ATP2B4: variants seen among roughly 807,000 people sequenced by gnomAD.
The protein encoded by ATP2B4 is plasma membrane calcium-transporting ATPase 4.
In ATP2B4, 39 loss-of-function variants were observed where a neutral mutation model predicts 110.3. The ratio of observed to expected loss-of-function variants is 0.35; its 90% CI spans 0.27 to 0.46. The LOEUF is 0.46. Ranked by LOEUF, ATP2B4 falls within the 20% of genes least tolerant of loss-of-function variation. The probability of loss-of-function intolerance (pLI) is 1.00; values close to 1 mark genes in which losing one functional copy is unlikely to be tolerated. For missense variants in ATP2B4, 1,135 were observed against 1,530.9 expected (o/e 0.74, Z 4.32); for synonymous variants, 538 against 571.7 (o/e 0.94, Z 0.84).
At chr1:203,667,877 C>T (rs544261783) in intron 1 of ATP2B4, among the ~76,000 whole-genome samples, 2 of 152,216 alleles carry the variant, frequency 1.3e-5, no homozygotes, top group Non-Finnish European at 2.9e-5. Flanking sequence ...CTCCCCACCA[C>T]ACTGAAAAAG....
intron 1 of ATP2B4, chr1:203,657,371 A>C (rs1664193147): frequency 1.3e-6 from 1 of 746,344 alleles, no homozygotes; most frequent in Non-Finnish European, 2.5e-6. Context: ...CTCCCTGGGC[A>C]TGTACTTTAG....
chr1:203,632,858 T>G (rs373942502), intron 1 of ATP2B4, among the ~76,000 whole-genome samples: 17 of 152,208 alleles, frequency 1.1e-4, no homozygotes, highest in African/African-American at 4.1e-4. Flanking sequence ...AGGGTCTCAC[T>G]ATGGAAAAAG....
intron 1 of ATP2B4, among the ~76,000 whole-genome samples, chr1:203,659,757 C>T (rs1664275854): frequency 6.6e-6 from 1 of 152,020 alleles, no homozygotes; most frequent in South Asian, 2.1e-4. Flanking sequence ...TCCATCCAGC[C>T]TGGTTGGCAG....
chr1:203,694,159 A>G (rs979606517), intron 2 of ATP2B4, among the ~76,000 whole-genome samples: 1 of 152,256 alleles, frequency 6.6e-6, no homozygotes, highest in African/African-American at 2.4e-5. Flanking sequence ...GTAATCACTT[A>G]AATGTTAGCA....
intron 1 of ATP2B4, among the ~76,000 whole-genome samples, chr1:203,634,451 C>A (rs1300255153): frequency 6.6e-6 from 1 of 152,112 alleles, no homozygotes; most frequent in Non-Finnish European, 1.5e-5. Flanking sequence ...CTTGCCTCAG[C>A]CTCCCAAAGC....
intron 4 of ATP2B4, 38 bp from the exon 5 acceptor site, chr1:203,700,168 A>C: frequency 6.3e-7 from 1 of 1,595,808 alleles, no homozygotes; most frequent in Non-Finnish European, 8.5e-7. Context: ...GTCTCTTACT[A>C]TCTCCTTCAC....
chr1:203,719,902 T>C (rs565643896), intron 15 of ATP2B4, among the ~76,000 whole-genome samples: 1 of 152,004 alleles, frequency 6.6e-6, no homozygotes, highest in Admixed American at 6.6e-5. Flanking sequence ...GAGACCCCCA[T>C]GTCTACAAAA....
chr1:203,710,795 G>A, intron 11 of ATP2B4, 82 bp from the exon 12 acceptor site: 1 of 1,107,572 alleles, frequency 9.0e-7, no homozygotes, highest in Admixed American at 2.0e-5. Flanking sequence ...ATAATACAGA[G>A]TTGCCAAAAT....
intron 4 of ATP2B4, 74 bp from the exon 5 acceptor site, chr1:203,700,132 G>T: frequency 6.5e-7 from 1 of 1,527,690 alleles, no homozygotes. Flanking sequence ...AGGGTTGAAG[G>T]AGTTGGAGGA....
chr1:203,710,569 GTC>G lies in ATP2B4; in HGVS notation c.1800-302_1800-301del, dbSNP rs1167127813. Among the ~76,000 whole-genome samples the G allele has an allele frequency of 2.0e-5, 3 of 152,164 alleles. No individual in the cohort carries two copies. In the South Asian group the frequency reaches 6.2e-4, roughly 32 times the overall value. ...TATTCTAAATACTCGGATTGAAAAA[GTC>G]TCTCTGCCTTCAAGAAGTTCAAAAG... On this transcript the variant is annotated intron_variant, in intron 11 of 20. Transcript: ENST00000357681.
At chr1:203,677,759 C>T (rs191606317) in intron 1 of ATP2B4, among the ~76,000 whole-genome samples, 254 of 152,282 alleles carry the variant, frequency 1.7e-3, no homozygotes, top group Admixed American at 4.2e-3. Context: ...CCACCGCACC[C>T]GGCCCTGAAG....
At chr1:203,633,963 T>C (rs910855471) in intron 1 of ATP2B4, among the ~76,000 whole-genome samples, 5 of 152,038 alleles carry the variant, frequency 3.3e-5, no homozygotes, top group Non-Finnish European at 5.9e-5. Context: ...GGCAGGAGAA[T>C]CGCTTGAACC....
At chr1:203,664,297 C>T (rs2102336160) in intron 1 of ATP2B4, among the ~76,000 whole-genome samples, 1 of 152,260 alleles carries the variant, frequency 6.6e-6, no homozygotes, top group African/African-American at 2.4e-5. Context: ...CAATGTCCTC[C>T]TGGTACACAG....
chr1:203,637,248 G>A (rs1019901210), intron 1 of ATP2B4, among the ~76,000 whole-genome samples: 1 of 152,104 alleles, frequency 6.6e-6, no homozygotes, highest in East Asian at 1.9e-4. Flanking sequence ...TGGCTAACAC[G>A]GTGAAGCCCC....
At chr1:203,679,096 G>A (rs965806635) in intron 1 of ATP2B4, among the ~76,000 whole-genome samples, 6 of 151,974 alleles carry the variant, frequency 3.9e-5, no homozygotes, top group Admixed American at 6.6e-5. Context: ...GAAAAGAGGA[G>A]GGAGCACATA....
At chr1:203,697,925 G>A (rs759101642) in intron 2 of ATP2B4, among the ~76,000 whole-genome samples, 3 of 151,862 alleles carry the variant, frequency 2.0e-5, no homozygotes, top group African/African-American at 4.8e-5. Context: ...GGCTGGTCTC[G>A]AACTCCTAAA....
Position 203,722,606 on chromosome 1 carries a change from A to ATCCATGGAGAGAAGAAC in ATP2B4, c.2942_2958dup (p.Val987SerfsTer20). The ATCCATGGAGAGAAGAAC allele has an allele frequency of 6.2e-7, 1 of 1,614,168 alleles. No homozygotes were observed. The highest frequency in any genetic ancestry group is 8.5e-7 in the Non-Finnish European group (1 of 1,180,016). Reference sequence around the variant, plus strand: ...CTTCAATGAAATCAACTCCCGAAAGATCCATGGAGAGAAGAACGTCTTTTC... The same window carrying ATCCATGGAGAGAAGAAC: ...CTTCAATGAAATCAACTCCCGAAAGATCCATGGAGAGAAGAACTCCATGGAGAGAAGAACGTCTTTTC... On this transcript the variant is annotated frameshift_variant, in exon 18 of 21. Coordinates refer to ENST00000357681, the MANE Select transcript of ATP2B4 (RefSeq NM_001684.5). LOFTEE classifies it high-confidence loss of function.
At chr1:203,637,432 T>C in intron 1 of ATP2B4, among the ~76,000 whole-genome samples, 1 of 98,576 alleles carries the variant, frequency 1.0e-5, no homozygotes, top group African/African-American at 3.6e-5. Flanking sequence ...CAAGACTCTG[T>C]CTCAAAAAAA....
chr1:203,707,868 A>G lies in ATP2B4; in HGVS notation c.1321A>G (p.Met441Val). The part of the protein sequence containing the change: ...ISLAYSVKKM[M>V]KDNNLVRHLD... The stretch of plus-strand genomic sequence containing the variant: ...TTTCTCTTCTCCTTTGTAGAAAATG[A>G]TGAAAGACAATAACCTAGTACGGCA... The change falls in exon 10 of 21, where the codon ATG becomes GTG. Residue 441 changes from methionine to valine, a missense_variant. Transcript: ENST00000357681. 1 of 1,613,900 alleles carries G rather than the reference A, an allele frequency of 6.2e-7. No homozygotes were observed. The highest frequency in any genetic ancestry group is 1.1e-5 in the South Asian group (1 of 91,090).
Sources: gnomAD v4.1 joint callset for allele counts (sites outside exome capture counted in the v4.1 genomes callset) on GRCh38, gnomAD v4.1.1 for gene constraint, MANE v1.5 for transcripts, NCBI Gene and HGNC (gene_info 2026-07-23, HGNC 2026-07-21) for gene names.